DOCK1: variants seen among roughly 807,000 people sequenced by gnomAD.
DOCK1 encodes the protein dedicator of cytokinesis 1, also known as dedicator of cytokinesis protein 1.
DOCK1 carries 138 observed loss-of-function variants against 262.7 expected under a neutral mutation model. The ratio of observed to expected loss-of-function variants is 0.53; its 90% confidence interval spans 0.46 to 0.61. DOCK1 has a LOEUF of 0.61. DOCK1 is among the 20% of genes least tolerant of loss of function. The pLI is 0.00. For synonymous variants in DOCK1, 866 were observed against 867.4 expected (o/e 1.00, Z 0.03); for missense variants, 1,908 against 2,370.7 (o/e 0.80, Z 4.05).
At position 126,998,227 on chromosome 10, in the gene DOCK1, C is replaced by T. The variant is rs758120817; in HGVS notation, c.745C>T (p.Pro249Ser). 3 of 1,613,574 alleles carry T rather than the reference C, an allele frequency of 1.9e-6. No individual in the cohort carries two copies. Among genetic ancestry groups the T allele is most frequent in the African/African-American group, 2.7e-5 (2 of 74,998 alleles). Residue 249 changes from proline to serine, a missense_variant, in exon 8 of 52, where the codon CCT (proline) becomes TCT (serine). By Grantham distance (74) the Pro-to-Ser change is moderately conservative (BLOSUM62 -1). Coordinates refer to ENST00000623213, the MANE Select transcript of DOCK1 (RefSeq NM_001290223.2). Reference protein sequence around the residue: ...DAEVLMSLYDPVESKFISENY... With the variant: ...DAEVLMSLYDSVESKFISENY... ...TGAAGTCCTCATGTCTCTATATGAC[C>T]CTGTGGAGTCCAAATTCATCAGGTG...
At chr10:126,965,598 A>T (rs1216765590) in intron 1 of DOCK1, among the ~76,000 whole-genome samples, 1 of 152,070 alleles carries the variant, frequency 6.6e-6, no homozygotes, top group African/African-American at 2.4e-5. Context: ...CTCACTGTGT[A>T]CCTTGAGCCA....
rs559907213 is a variant in DOCK1, at chr10:127,069,877, C to T, written c.2445+8101C>T. On this transcript the variant is annotated intron_variant, in intron 23 of 51. Coordinates refer to ENST00000623213, the MANE Select transcript of DOCK1 (RefSeq NM_001290223.2). ...TGGAAGTTGCTCTAACAAAATACTA[C>T]AAACTTGGTAGCTTAAAACAGTGGT... 2.0e-5 allele frequency among the ~76,000 whole-genome samples: 3 copies of T among 152,292 alleles called. 1 individual carries two copies. Among genetic ancestry groups the T allele is most frequent in the African/African-American group, 7.2e-5 (3 of 41,564 alleles).
chr10:127,036,687 T>C (rs2043640672), intron 18 of DOCK1, among the ~76,000 whole-genome samples: 1 of 152,020 alleles, frequency 6.6e-6, no homozygotes, highest in African/African-American at 2.4e-5. Context: ...TTAAAGAATA[T>C]CTTGGGCCAG....
intron 33 of DOCK1, among the ~76,000 whole-genome samples, chr10:127,365,334 A>C (rs891339938): frequency 6.6e-6 from 1 of 152,230 alleles, no homozygotes; most frequent in Non-Finnish European, 1.5e-5. Flanking sequence ...AATTATTGCC[A>C]AATGGTTTGA....
At chr10:126,925,373 T>C (rs952014125) in intron 1 of DOCK1, among the ~76,000 whole-genome samples, 1 of 152,224 alleles carries the variant, frequency 6.6e-6, no homozygotes, top group Non-Finnish European at 1.5e-5. Context: ...AGGGTACTCA[T>C]GTGAACATTT....
intron 27 of DOCK1, among the ~76,000 whole-genome samples, chr10:127,166,287 G>A (rs1002051310): frequency 1.3e-5 from 2 of 151,894 alleles, no homozygotes; most frequent in Non-Finnish European, 2.9e-5. Context: ...GGATGGTCTC[G>A]ATCTCCTGAC....
chr10:126,922,926 C>G (rs2033347820), intron 1 of DOCK1, among the ~76,000 whole-genome samples: 1 of 152,150 alleles, frequency 6.6e-6, no homozygotes, highest in Non-Finnish European at 1.5e-5. Context: ...GCCTGACCAA[C>G]ATGGAGAAAC....
intron 23 of DOCK1, among the ~76,000 whole-genome samples, chr10:127,067,882 C>T (rs2045969944): frequency 6.6e-6 from 1 of 152,016 alleles, no homozygotes; most frequent in Admixed American, 6.6e-5. Context: ...TCCTGACCAG[C>T]ATGCGGATTG....
intron 12 of DOCK1, among the ~76,000 whole-genome samples, chr10:127,018,287 G>A (rs560366168): frequency 7.2e-5 from 11 of 152,282 alleles, no homozygotes; most frequent in African/African-American, 2.4e-4. Flanking sequence ...TCGAAGCTAC[G>A]AATTCACCTC....
chr10:127,205,216 G>C (rs138978573), intron 27 of DOCK1, among the ~76,000 whole-genome samples: 7 of 152,174 alleles, frequency 4.6e-5, no homozygotes, highest in African/African-American at 1.7e-4. Context: ...AAATGGTAGA[G>C]AACCAACATC....
chr10:127,406,712 T>C (rs2067536118), intron 40 of DOCK1, among the ~76,000 whole-genome samples: 1 of 152,248 alleles, frequency 6.6e-6, no homozygotes, highest in Non-Finnish European at 1.5e-5. Flanking sequence ...TCTTTGACTA[T>C]ATGTACATTT....
chr10:127,377,780 T>C (rs1483749454), intron 35 of DOCK1, among the ~76,000 whole-genome samples: 2 of 150,514 alleles, frequency 1.3e-5, no homozygotes, highest in African/African-American at 4.9e-5. Flanking sequence ...TAATCCCAGG[T>C]ACTCGGGAGG....
At position 127,145,062 on chromosome 10, in the gene DOCK1, G is replaced by A. The variant is rs185211037; in HGVS notation, c.2847+17298G>A. ...TCCAAATGCATCTTGGATGTTTTCC[G>A]TGACCATACTGGAGAACTTGCTTGA... On this transcript the variant is annotated intron_variant, in intron 27 of 51. Coordinates refer to ENST00000623213, the MANE Select transcript of DOCK1 (RefSeq NM_001290223.2). Among the ~76,000 whole-genome samples, 159 of 152,224 alleles carry A rather than the reference G, an allele frequency of 1.0e-3. 1 individual carries two copies. Among genetic ancestry groups the A allele is most frequent in the Non-Finnish European group, 1.7e-3 (118 of 68,016 alleles).
chr10:127,131,559 G>A (rs995226802), intron 27 of DOCK1, among the ~76,000 whole-genome samples: 4 of 152,204 alleles, frequency 2.6e-5, no homozygotes, highest in African/African-American at 9.6e-5. Flanking sequence ...CCAGCCACGA[G>A]CCCCCTCTCT....
intron 29 of DOCK1, among the ~76,000 whole-genome samples, chr10:127,301,880 A>G (rs1301994802): frequency 1.3e-5 from 2 of 148,302 alleles, no homozygotes; most frequent in Admixed American, 1.4e-4. Context: ...CAGGAGGTGG[A>G]GGTTGCAGTG....
intron 27 of DOCK1, among the ~76,000 whole-genome samples, chr10:127,238,863 G>T (rs980609253): frequency 6.6e-6 from 1 of 152,188 alleles, no homozygotes; most frequent in Non-Finnish European, 1.5e-5. Flanking sequence ...GTTGAGTGTT[G>T]CACTTGGCAG....
intron 18 of DOCK1, among the ~76,000 whole-genome samples, chr10:127,036,050 G>A (rs982023422): frequency 8.2e-6 from 1 of 121,718 alleles, no homozygotes; most frequent in Admixed American, 8.3e-5. Flanking sequence ...AAATAAAAAA[G>A]AGTAGAGTGC....
At chr10:127,445,557 A>C (rs1444968756) in intron 50 of DOCK1, among the ~76,000 whole-genome samples, 1 of 152,246 alleles carries the variant, frequency 6.6e-6, no homozygotes, top group Non-Finnish European at 1.5e-5. Context: ...TTTAATATTG[A>C]AAACAGACAC....
chr10:127,033,827 T>G (rs1484128541), intron 18 of DOCK1, among the ~76,000 whole-genome samples: 1 of 152,198 alleles, frequency 6.6e-6, no homozygotes, highest in East Asian at 1.9e-4. Context: ...TTTGGATCTT[T>G]CCGTTTCTGC....
Sources: allele counts gnomAD v4.1 joint callset (sites outside exome capture counted in the v4.1 genomes callset), GRCh38; gene constraint gnomAD v4.1.1; transcripts MANE v1.5; gene names NCBI Gene and HGNC (gene_info 2026-07-23, HGNC 2026-07-21).